Variants in FGGY observed in about 807,000 individuals in gnomAD.
The protein encoded by FGGY is FGGY carbohydrate kinase domain-containing protein.
Under a neutral mutation model 71.3 loss-of-function variants are expected in FGGY, and 72 were observed. The observed-to-expected ratio is 1.01, with a 90% CI of 0.84 to 1.23. FGGY has a LOEUF of 1.23. Among genes scored for constraint, FGGY ranks in the 50% most tolerant of loss-of-function variants. FGGY has a pLI of 0.00. For missense variants in FGGY, 668 were observed against 682.3 expected (o/e 0.98, Z 0.23); for synonymous variants, 251 against 250.3 (o/e 1.00, Z -0.02).
intron 5 of FGGY, among the ~76,000 whole-genome samples, chr1:59,426,272 T>C (rs2066348902): frequency 1.3e-5 from 2 of 152,156 alleles, no homozygotes; most frequent in South Asian, 4.1e-4. Flanking sequence ...ATTGAATTCC[T>C]CCCTTTCCCC....
chr1:59,376,892 T>A (rs1250197535), intron 4 of FGGY, among the ~76,000 whole-genome samples: 2 of 152,232 alleles, frequency 1.3e-5, no homozygotes, highest in African/African-American at 4.8e-5. Context: ...TTTTTGAAAT[T>A]CTACCTCTTC....
chr1:59,650,619 C>T (rs1438073724), intron 11 of FGGY, among the ~76,000 whole-genome samples: 6 of 105,758 alleles, frequency 5.7e-5, no homozygotes, highest in Admixed American at 5.2e-4. Flanking sequence ...TTTTTTATTG[C>T]GTCTATTTGA....
At chr1:59,651,746 A>T (rs1572667773) in intron 11 of FGGY, among the ~76,000 whole-genome samples, 1 of 150,420 alleles carries the variant, frequency 6.6e-6, no homozygotes, top group East Asian at 1.9e-4. Context: ...AATTTAGTCC[A>T]TTTACATTTA....
chr1:59,576,503 C>T (rs1185599540), intron 8 of FGGY, among the ~76,000 whole-genome samples: 3 of 152,048 alleles, frequency 2.0e-5, no homozygotes, highest in African/African-American at 7.2e-5. Context: ...ACCACCATGG[C>T]ACATGTATAC....
intron 6 of FGGY, among the ~76,000 whole-genome samples, chr1:59,466,572 T>C (rs1024030146): frequency 1.6e-4 from 25 of 152,230 alleles, no homozygotes; most frequent in African/African-American, 5.8e-4. Context: ...ACAGGCAACC[T>C]ACAGAATGGG....
At chr1:59,593,213 C>G (rs376634659) in intron 8 of FGGY, among the ~76,000 whole-genome samples, 122 of 152,342 alleles carry the variant, frequency 8.0e-4, no homozygotes, top group African/African-American at 2.9e-3. Flanking sequence ...AACCACTGTG[C>G]AGGTTCAGCT....
chr1:59,653,352 C>G (rs940764576), intron 11 of FGGY, among the ~76,000 whole-genome samples: 25 of 152,188 alleles, frequency 1.6e-4, no homozygotes, highest in Non-Finnish European at 2.6e-4. Flanking sequence ...CTCCCCCAGC[C>G]TTGCTGCCGC....
At chr1:59,389,316 T>C (rs2060431788) in intron 5 of FGGY, among the ~76,000 whole-genome samples, 1 of 152,246 alleles carries the variant, frequency 6.6e-6, no homozygotes, top group South Asian at 2.1e-4. Context: ...AGTAGACTTA[T>C]ATAGTATTTA....
intron 14 of FGGY, among the ~76,000 whole-genome samples, chr1:59,700,009 A>C (rs1328919706): frequency 6.6e-6 from 1 of 152,096 alleles, no homozygotes; most frequent in South Asian, 2.1e-4. Context: ...GAGCCCTTAC[A>C]TTTTCTCCAT....
At chr1:59,484,531 C>T (rs2153573548) in intron 6 of FGGY, among the ~76,000 whole-genome samples, 1 of 152,236 alleles carries the variant, frequency 6.6e-6, no homozygotes, top group African/African-American at 2.4e-5. Flanking sequence ...AAGGGACTTT[C>T]AATCACAGAC....
chr1:59,371,372 A>G (rs1406530551), intron 4 of FGGY, among the ~76,000 whole-genome samples: 2 of 152,180 alleles, frequency 1.3e-5, no homozygotes, highest in Admixed American at 6.5e-5. Flanking sequence ...CTAAATATAT[A>G]TGCACCCAAT....
At chr1:59,375,507 A>G (rs2058521616) in intron 4 of FGGY, among the ~76,000 whole-genome samples, 1 of 152,176 alleles carries the variant, frequency 6.6e-6, no homozygotes, top group Non-Finnish European at 1.5e-5. Context: ...ACAACATGTT[A>G]TTTCTAGTTG....
chr1:59,652,009 T>C (rs1336589966), intron 11 of FGGY, among the ~76,000 whole-genome samples: 3 of 150,110 alleles, frequency 2.0e-5, no homozygotes, highest in Non-Finnish European at 4.5e-5. Context: ...CCTTCACTTA[T>C]GAAGCTTAGT....
At chr1:59,381,820 A>G (rs1387686223) in intron 5 of FGGY, among the ~76,000 whole-genome samples, 1 of 152,152 alleles carries the variant, frequency 6.6e-6, no homozygotes, top group Non-Finnish European at 1.5e-5. Flanking sequence ...GTCAACAACT[A>G]TTTTTCAGTA....
Position 59,456,996 on chromosome 1 carries a change from C to T in FGGY, c.590C>T (p.Ser197Leu). The change falls in exon 6 of 16, where the codon TCA (serine) becomes TTA (leucine). Residue 197 changes from serine to leucine, a missense_variant. Ser to Leu is a moderately radical substitution (Grantham distance 145). Transcript: ENST00000303721. Reference sequence around the variant, plus strand: ...TCCCTGGTGTGTAAGTGGACATATTCAGCAGAGAAAGGCTGGGACGACAGT... The same window carrying T: ...TCCCTGGTGTGTAAGTGGACATATTTAGCAGAGAAAGGCTGGGACGACAGT... The part of the protein sequence containing the change: ...LCSLVCKWTY[S>L]AEKGWDDSFW... 3.1e-6 allele frequency: 5 copies of T among 1,614,028 alleles called. No homozygotes were observed. Among genetic ancestry groups the T allele is most frequent in the South Asian group, 1.1e-5 (1 of 91,074 alleles).
intron 6 of FGGY, among the ~76,000 whole-genome samples, chr1:59,462,839 A>T (rs2092343890): frequency 6.6e-6 from 1 of 151,892 alleles, no homozygotes; most frequent in Admixed American, 6.6e-5. Flanking sequence ...GAGAAATAGG[A>T]ACACTTTTAC....
At chr1:59,369,378 C>T (rs1045085364) in intron 4 of FGGY, among the ~76,000 whole-genome samples, 3 of 152,184 alleles carry the variant, frequency 2.0e-5, no homozygotes, top group African/African-American at 7.2e-5. Context: ...CCGCCATTGC[C>T]CAGGCTTGCT....
intron 6 of FGGY, among the ~76,000 whole-genome samples, chr1:59,458,906 T>G (rs1217403242): frequency 6.6e-6 from 1 of 152,216 alleles, no homozygotes; most frequent in Non-Finnish European, 1.5e-5. Flanking sequence ...GGAAGCTACC[T>G]CTAGACATTC....
chr1:59,403,916 G>A (rs1448425175), intron 5 of FGGY, among the ~76,000 whole-genome samples: 1 of 152,184 alleles, frequency 6.6e-6, no homozygotes, highest in Non-Finnish European at 1.5e-5. Flanking sequence ...ATGCCTCACA[G>A]GGTGGTTGTG....
Sources: allele counts gnomAD v4.1 joint callset (sites outside exome capture counted in the v4.1 genomes callset), GRCh38; gene constraint gnomAD v4.1.1; transcripts MANE v1.5; gene names NCBI Gene and HGNC (gene_info 2026-07-23, HGNC 2026-07-21).